Variants in ARFGEF3 observed in about 807,000 individuals in gnomAD.
The protein encoded by ARFGEF3 is ARFGEF family member 3.
Under a neutral mutation model 221.7 loss-of-function variants are expected in ARFGEF3, and 96 were observed. The ratio of observed to expected loss-of-function variants is 0.43; its 90% CI spans 0.37 to 0.51. ARFGEF3 has a LOEUF of 0.51. ARFGEF3 is among the 20% of genes least tolerant of loss of function. The pLI is 0.00. For missense variants in ARFGEF3, 2,410 were observed against 2,789.9 expected, an observed-to-expected ratio of 0.86 and a Z score of 3.07; for synonymous variants, 1,145 against 1,126.8, an observed-to-expected ratio of 1.02 and a Z score of -0.32.
chr6:138,262,609 T>A, intron 11 of ARFGEF3, 92 bp from the exon 12 acceptor site: 1 of 1,261,940 alleles, frequency 7.9e-7, no homozygotes, highest in Non-Finnish European at 1.1e-6. Flanking sequence ...TTGAATACTT[T>A]GCTGTTTGCC....
intron 8 of ARFGEF3, among the ~76,000 whole-genome samples, chr6:138,246,101 T>C (rs1422113644): frequency 6.6e-6 from 1 of 152,220 alleles, no homozygotes; most frequent in Non-Finnish European, 1.5e-5. Context: ...TTTTGTTTTG[T>C]TTTGCGTATC....
chr6:138,280,120 G>A lies in ARFGEF3; in HGVS notation c.2417G>A (p.Gly806Asp), dbSNP rs1779170051. 1 of 1,613,876 alleles carries A rather than the reference G, an allele frequency of 6.2e-7. No individual in the cohort carries two copies. Among genetic ancestry groups the A allele is most frequent in the Non-Finnish European group, 8.5e-7 (1 of 1,179,782 alleles). Reference sequence around the variant, plus strand: ...ATGCTTGGAGAGGCTGGCTATTGGGGCAGCCCAGAAGATAACAGCCTTCCC... The same window carrying A: ...ATGCTTGGAGAGGCTGGCTATTGGGACAGCCCAGAAGATAACAGCCTTCCC... Reference protein sequence around the residue: ...RNMLGEAGYWGSPEDNSLPLI... With the variant: ...RNMLGEAGYWDSPEDNSLPLI... Residue 806 changes from glycine (G) to aspartate (D), a missense_variant, in exon 14 of 34, where the codon GGC (glycine) becomes GAC (aspartate). Physicochemically the swap from Gly to Asp is moderately conservative, Grantham distance 94 (BLOSUM62 -1). This residue lies in a region of ARFGEF3 where 594 missense variants were observed against 734.3 expected (regional missense o/e 0.81). Transcript: ENST00000251691.
chr6:138,162,262 C>A lies in ARFGEF3; in HGVS notation c.85+91C>A. On this transcript the variant is annotated intron_variant, in intron 1 of 33. Transcript: ENST00000251691. The surrounding 1 kb of genome is among the most constrained non-coding windows in gnomAD (Gnocchi z 4.7). ...CGCGCGTGGGGCTTTCGCGGAGCGT[C>A]GGTCATGGGTGCCGTTCTGGCGATT... The A allele has an allele frequency of 1.1e-6, 1 of 873,348 alleles. No individual in the cohort carries two copies. Among genetic ancestry groups the A allele is most frequent in the Non-Finnish European group, 1.7e-6 (1 of 578,954 alleles). 54.1% of individuals were successfully genotyped at this position (873,348 alleles called of 1,614,324 possible). A position where few individuals can be genotyped will look rare whatever the true frequency, so the allele number is the denominator to read the frequency against.
At position 138,162,100 on chromosome 6, in the gene ARFGEF3, T is replaced by C; in HGVS notation, c.14T>C (p.Leu5Pro). 6.2e-7 allele frequency: 1 copy of C among 1,600,900 alleles called. No homozygotes were observed. Among genetic ancestry groups the C allele is most frequent in the Non-Finnish European group, 8.5e-7 (1 of 1,173,412 alleles). The change falls in exon 1 of 34, where the codon CTG becomes CCG. Residue 5 changes from leucine to proline, a missense_variant. Around this residue, in one of 5 missense-constraint regions of ARFGEF3, gnomAD observed 570 missense variants for 586.9 expected, o/e 0.97. Coordinates refer to ENST00000251691, the MANE Select transcript of ARFGEF3 (RefSeq NM_020340.5). The surrounding 1 kb of genome is among the most constrained non-coding windows in gnomAD (Gnocchi z 4.7). ...TGGAAGGTCAAGATGGAAGAAATCC[T>C]GAGGAAGCTGCAGAAGGAGGCGTCC... Reference protein sequence around the residue: MEEILRKLQKEASGS... With the variant: MEEIPRKLQKEASGS...
chr6:138,323,584 C>A, intron 29 of ARFGEF3, 87 bp from the exon 30 acceptor site: 2 of 1,231,768 alleles, frequency 1.6e-6, no homozygotes, highest in Non-Finnish European at 2.3e-6. Context: ...GCACTCCAGG[C>A]TGGGCAACAA....
At chr6:138,327,111 G>A (rs899531641) in intron 31 of ARFGEF3, among the ~76,000 whole-genome samples, 5 of 152,178 alleles carry the variant, frequency 3.3e-5, no homozygotes, top group African/African-American at 1.2e-4. Flanking sequence ...GGGAACGGGG[G>A]AGGGAGAGCA....
At chr6:138,275,811 ATC>A (rs1779086067) in intron 12 of ARFGEF3, among the ~76,000 whole-genome samples, 1 of 152,014 alleles carries the variant, frequency 6.6e-6, no homozygotes. Context: ...GTAAATTTGT[ATC>A]TCTCATTTTC....
chr6:138,245,686 AT>A, intron 8 of ARFGEF3, 95 bp downstream of exon 8: 2 of 920,988 alleles, frequency 2.2e-6, no homozygotes, highest in Non-Finnish European at 3.5e-6. Flanking sequence ...GGATTGTAAG[AT>A]TATAGGGACA....
intron 27 of ARFGEF3, among the ~76,000 whole-genome samples, chr6:138,318,905 T>C (rs1399492490): frequency 6.6e-6 from 1 of 152,084 alleles, no homozygotes; most frequent in African/African-American, 2.4e-5. Context: ...ACAATAGAAA[T>C]AGTATGTGGC....
intron 14 of ARFGEF3, among the ~76,000 whole-genome samples, chr6:138,284,406 A>G (rs540187452): frequency 1.6e-4 from 24 of 152,312 alleles, no homozygotes; most frequent in Middle Eastern, 6.8e-3. Context: ...CCAAGTATGT[A>G]TATTTCAACT....
At chr6:138,277,708 A>G (rs1458603364) in intron 12 of ARFGEF3, among the ~76,000 whole-genome samples, 1 of 152,238 alleles carries the variant, frequency 6.6e-6, no homozygotes, top group Non-Finnish European at 1.5e-5. Context: ...GTAGTGAACA[A>G]AATGAATGAA....
Position 138,298,677 on chromosome 6 carries a change from C to T in ARFGEF3, c.3720C>T (p.Val1240=), listed in dbSNP as rs2114647044. 1 of 1,613,600 alleles carries T rather than the reference C, an allele frequency of 6.2e-7. No homozygotes were observed. Among genetic ancestry groups the T allele is most frequent in the South Asian group, 1.1e-5 (1 of 90,958 alleles). Residue 1240 remains valine, a synonymous_variant, in exon 22 of 34, where the codon GTC becomes GTT. Transcript: ENST00000251691. ...TCATCCATGACATACTGACAGAAGTCCTCACTGACTGGAATGAGCCACCTC... is the reference window on the plus strand; with the variant it reads ...TCATCCATGACATACTGACAGAAGTTCTCACTGACTGGAATGAGCCACCTC... ...VSFIHDILTE[V]LTDWNEPPHF...
chr6:138,317,224 C>A, intron 26 of ARFGEF3, 27 bp from the exon 27 acceptor site: 1 of 1,605,060 alleles, frequency 6.2e-7, no homozygotes, highest in South Asian at 1.1e-5. Flanking sequence ...AACTGGATTT[C>A]ATACAGGTCT....
rs771092524 is a variant in ARFGEF3 at position 138,294,088 on chromosome 6, C to A, written c.3464C>A (p.Ser1155Tyr). The A allele has an allele frequency of 1.2e-6, 2 of 1,613,970 alleles. No individual in the cohort carries two copies. Among genetic ancestry groups the A allele is most frequent in the East Asian group, 4.5e-5 (2 of 44,882 alleles). The change falls in exon 20 of 34, where the codon TCT (serine) becomes TAT (tyrosine). Residue 1155 changes from serine (S) to tyrosine (Y), a missense_variant. This residue lies in a region of ARFGEF3 where 723 missense variants were observed against 991.9 expected (regional missense o/e 0.73). Coordinates refer to ENST00000251691, the MANE Select transcript of ARFGEF3 (RefSeq NM_020340.5). ...GCATCGCAGTCTCAGCTTTTCCATT[C>A]TGTTACAGATACAGTTGATTACTCT... is the stretch of plus-strand genomic sequence containing the variant. ...KKASQSQLFHSVTDTVDYSLA... is the reference protein window; with the variant it reads ...KKASQSQLFHYVTDTVDYSLA...
chr6:138,199,485 A>G (rs1777494214), intron 2 of ARFGEF3, among the ~76,000 whole-genome samples: 1 of 152,134 alleles, frequency 6.6e-6, no homozygotes. Flanking sequence ...CATTTTCCCA[A>G]TATTGATTCT....
In ARFGEF3 at chr6:138,340,019, T is replaced by C. The variant is rs1780399382; in HGVS notation, c.*3533T>C. On this transcript the variant is annotated 3_prime_UTR_variant, in exon 34 of 34. Transcript: ENST00000251691. ...GCTAAGGTGGGTGGATCTCTTGAGG[T>C]CAGGAGTTCGAGACCAACCTGGCCA... The C allele has an allele frequency of 6.6e-6, 1 of 152,140 alleles. No homozygotes were observed. The highest frequency in any genetic ancestry group is 1.5e-5 in the Non-Finnish European group (1 of 68,042). The allele number at this position is 152,140 out of a possible 1,614,324, so 9.4% of individuals were successfully genotyped here. A position where few individuals can be genotyped will look rare whatever the true frequency, so the allele number is the denominator to read the frequency against.
chr6:138,244,044 G>A (rs927548415), intron 7 of ARFGEF3, among the ~76,000 whole-genome samples: 7 of 152,244 alleles, frequency 4.6e-5, no homozygotes, highest in East Asian at 1.9e-4. Context: ...GGGGGTCTGC[G>A]ACTTCTTGGT....
chr6:138,279,869 C>T, intron 13 of ARFGEF3, 130 bp from the exon 14 acceptor site: 1 of 820,898 alleles, frequency 1.2e-6, no homozygotes. Flanking sequence ...CCACTTGCCG[C>T]CCCCTTACCC....
chr6:138,305,669 T>C (rs547084039), intron 22 of ARFGEF3, among the ~76,000 whole-genome samples: 6 of 148,764 alleles, frequency 4.0e-5, no homozygotes, highest in Non-Finnish European at 7.4e-5. Context: ...AGATTAAACA[T>C]TGTGGCATAT....
Sources: gnomAD v4.1 joint callset for allele counts (sites outside exome capture counted in the v4.1 genomes callset) on GRCh38, gnomAD v4.1.1 for gene constraint, gnomAD v4.1.1 regional missense constraint, Gnocchi (gnomAD v3.1) non-coding constraint, MANE v1.5 for transcripts, NCBI Gene and HGNC (gene_info 2026-07-23, HGNC 2026-07-21) for gene names.